Variants in PAX8 observed in about 807,000 individuals in gnomAD.
The protein encoded by PAX8 is paired box protein Pax-8.
PAX8 carries 15 observed loss-of-function variants against 52.4 expected under a neutral mutation model. The observed-to-expected ratio is 0.29, with a 90% CI of 0.19 to 0.44. PAX8 has a LOEUF of 0.44. PAX8 is among the 20% of genes least tolerant of loss of function. PAX8 has a pLI of 1.00. For synonymous variants in PAX8, 284 were observed against 249.7 expected (o/e 1.14, Z -1.29); for missense variants, 554 against 602.5 (o/e 0.92, Z 0.84).
At chr2:113,260,925 G>T (rs1692631551) in intron 2 of PAX8, among the ~76,000 whole-genome samples, 1 of 145,872 alleles carries the variant, frequency 6.9e-6, no homozygotes, top group African/African-American at 2.6e-5. Context: ...TGTGTGAGTT[G>T]CAGAGTCTTC....
chr2:113,255,138 A>G (rs1426212302), intron 2 of PAX8, among the ~76,000 whole-genome samples: 1 of 146,592 alleles, frequency 6.8e-6, no homozygotes, highest in Non-Finnish European at 1.5e-5. Flanking sequence ...GGAAGGAAGG[A>G]AGGAAGGAAA....
At position 113,227,216 on chromosome 2, in the gene PAX8, G is replaced by A. The variant is rs747091221; in HGVS notation, c.1128C>T (p.Pro376=). 2.4e-5 allele frequency: 39 copies of A among 1,611,104 alleles called. No homozygotes were observed. The highest frequency in any genetic ancestry group is 3.1e-5 in the Non-Finnish European group (37 of 1,179,080). ...MVGPTLPGYP[P]HIPTSGQGSY... ...TGCCCTGTCCGCTGGTGGGGATGTG[G>A]GGTGGGTATCCGGGCAGCGTGGGCC... Residue 376 remains proline (P), a synonymous_variant, in exon 10 of 12, where the codon CCC becomes CCT. Coordinates refer to ENST00000429538, the MANE Select transcript of PAX8 (RefSeq NM_003466.4).
At chr2:113,242,307 G>C (rs1690926218) in intron 5 of PAX8, among the ~76,000 whole-genome samples, 177 bp from the exon 6 acceptor site, 1 of 152,046 alleles carries the variant, frequency 6.6e-6, no homozygotes, top group Non-Finnish European at 1.5e-5. Flanking sequence ...CTGCGGTGGT[G>C]GGAAGAGGGA....
chr2:113,278,664 G>A (rs1693999915), intron 1 of PAX8, 167 bp downstream of exon 1: 2 of 645,970 alleles, frequency 3.1e-6, no homozygotes, highest in Non-Finnish European at 5.1e-6. Context: ...GGAGTGCGCT[G>A]AAGAAGCTCC....
chr2:113,275,689 A>G (rs1215773115), intron 2 of PAX8: 1 of 152,142 alleles, frequency 6.6e-6, no homozygotes, highest in South Asian at 2.1e-4. Context: ...TCACTTTTAT[A>G]TATATGGGGC....
chr2:113,275,889 C>T (rs1451523493), intron 2 of PAX8: 2 of 152,242 alleles, frequency 1.3e-5, no homozygotes, highest in African/African-American at 4.8e-5. Flanking sequence ...TTAAGACTCT[C>T]TGCAAGGCAA....
chr2:113,241,868 C>T lies in PAX8; in HGVS notation c.601+140G>A, dbSNP rs796511816. 27 of 1,432,122 alleles carry T rather than the reference C, an allele frequency of 1.9e-5. No individual in the cohort carries two copies. In the African/African-American group the frequency reaches 3.5e-4, roughly 19 times the overall value. 88.7% of individuals were successfully genotyped at this position (1,432,122 alleles called of 1,614,324 possible). On this transcript the variant is annotated intron_variant, in intron 6 of 11. Coordinates refer to ENST00000429538, the MANE Select transcript of PAX8 (RefSeq NM_003466.4). Reference sequence around the variant, plus strand: ...ACGTGGGCCCAGGAGCCTTGGCCAACTGAGGGACAGGACATGTGACAGTCA... The same window carrying T: ...ACGTGGGCCCAGGAGCCTTGGCCAATTGAGGGACAGGACATGTGACAGTCA...
intron 9 of PAX8, among the ~76,000 whole-genome samples, chr2:113,233,482 A>G (rs1690029727): frequency 6.6e-6 from 1 of 152,070 alleles, no homozygotes; most frequent in Admixed American, 6.5e-5. Context: ...GATTGAGACC[A>G]TTCTGGCTAA....
intron 2 of PAX8, chr2:113,274,144 C>T (rs1693650518): frequency 6.6e-6 from 1 of 152,170 alleles, no homozygotes; most frequent in African/African-American, 2.4e-5. Flanking sequence ...ATGAAGATCA[C>T]AGGGGCTTTA....
intron 2 of PAX8, 124 bp downstream of exon 2, chr2:113,278,246 G>T: frequency 2.6e-6 from 2 of 761,382 alleles, no homozygotes; most frequent in Non-Finnish European, 4.3e-6. Context: ...GCCCCAGCTG[G>T]GTCCCCACGC....
At chr2:113,219,349 G>T (rs142125805) in intron 11 of PAX8, among the ~76,000 whole-genome samples, 1 of 152,138 alleles carries the variant, frequency 6.6e-6, no homozygotes, top group Admixed American at 6.5e-5. Flanking sequence ...GTCTGGCTCC[G>T]GTTTGCTCTG....
intron 2 of PAX8, among the ~76,000 whole-genome samples, chr2:113,252,455 A>G (rs1691847946): frequency 6.6e-6 from 1 of 152,182 alleles, no homozygotes; most frequent in Admixed American, 6.5e-5. Flanking sequence ...CTGCTCCTGA[A>G]GAAAGTGTCC....
At chr2:113,255,446 CAAAA>C (rs574597850) in intron 2 of PAX8, 1 of 147,060 alleles carries the variant, frequency 6.8e-6, no homozygotes. Flanking sequence ...TTCCACAGTC[CAAAA>C]AAAAAAGAGG....
intron 2 of PAX8, among the ~76,000 whole-genome samples, chr2:113,256,012 G>A (rs918239457): frequency 7.9e-6 from 1 of 126,500 alleles, no homozygotes; most frequent in Non-Finnish European, 1.8e-5. Flanking sequence ...AAAAAAAAAA[G>A]TTCTCCAGTT....
intron 2 of PAX8, among the ~76,000 whole-genome samples, chr2:113,249,397 AGTCCAGCTTT>A (rs1691587914): frequency 6.6e-6 from 1 of 152,220 alleles, no homozygotes; most frequent in South Asian, 2.1e-4. Flanking sequence ...GACCTTCAGC[AGTCCAGCTTT>A]GTCCTCATTT....
rs1438187086 is a variant in PAX8, at chr2:113,218,523, C to T, written c.*10G>A. The stretch of plus-strand genomic sequence containing the variant: ...CTGTTGCTCAGTCGCTCCCACTGTC[C>T]CCATGGCAACTACAGATGGTCAAAG... On this transcript the variant is annotated 3_prime_UTR_variant, in exon 12 of 12. Transcript: ENST00000429538. 9 of 1,535,158 alleles carry T rather than the reference C, an allele frequency of 5.9e-6. No homozygotes were observed. The highest frequency in any genetic ancestry group is 1.7e-4 in the Middle Eastern group (1 of 5,922).
At chr2:113,270,979 A>C (rs1410237871) in intron 2 of PAX8, 1 of 152,234 alleles carries the variant, frequency 6.6e-6, no homozygotes, top group Non-Finnish European at 1.5e-5. Context: ...CTACATGAAA[A>C]AGTGAAAACA....
intron 2 of PAX8, among the ~76,000 whole-genome samples, chr2:113,278,031 G>A (rs1418706116): frequency 1.3e-5 from 2 of 152,220 alleles, no homozygotes; most frequent in African/African-American, 4.8e-5. Context: ...GTGCAGCCCA[G>A]GGACAGAGCA....
intron 2 of PAX8, among the ~76,000 whole-genome samples, chr2:113,277,374 G>T (rs1296726581): frequency 6.6e-6 from 1 of 152,226 alleles, no homozygotes; most frequent in South Asian, 2.1e-4. Flanking sequence ...TCTCAGCCTC[G>T]CTGCGCGCCC....
Sources: gnomAD v4.1 joint callset for allele counts (sites outside exome capture counted in the v4.1 genomes callset) on GRCh38, gnomAD v4.1.1 for gene constraint, MANE v1.5 for transcripts, NCBI Gene and HGNC (gene_info 2026-07-23, HGNC 2026-07-21) for gene names.